Variants in RAPH1 observed in about 807,000 individuals in gnomAD.
The protein encoded by RAPH1 is ras-associated and pleckstrin homology domains-containing protein 1.
A neutral mutation model predicts 88.1 loss-of-function variants in RAPH1; 18 were observed. The observed-to-expected ratio is 0.20, with a 90% CI of 0.14 to 0.30. RAPH1 has a LOEUF of 0.30. RAPH1 is among the 10% of genes least tolerant of loss of function. RAPH1 has a pLI of 1.00. For missense variants in RAPH1, 1,448 were observed against 1,543.2 expected, an observed-to-expected ratio of 0.94 and a Z score of 1.03; for synonymous variants, 587 against 559.0, an observed-to-expected ratio of 1.05 and a Z score of -0.71.
At chr2:203,475,402 G>A (rs540465972) in intron 4 of RAPH1, among the ~76,000 whole-genome samples, 8 of 151,500 alleles carry the variant, frequency 5.3e-5, no homozygotes, top group East Asian at 3.9e-4. Context: ...GCGAGACTCC[G>A]TCTCAAAAAA....
rs376567834 is a variant in RAPH1 at position 203,458,293 on chromosome 2, C to T, written c.1093-698G>A. ...CTGAGGTAGGAGAATCGCTTGGAGG[C>T]GGAGGTTGCAGTGAGCCAAGATCAC... On this transcript the variant is annotated intron_variant, in intron 7 of 13. Transcript: ENST00000319170. 7.2e-5 allele frequency among the ~76,000 whole-genome samples: 11 copies of T among 152,156 alleles called. No homozygotes were observed. In the South Asian group the frequency reaches 1.7e-3, roughly 23 times the overall value.
In RAPH1 at chr2:203,434,549, G is replaced by T. The variant is rs2098496792; in HGVS notation, c.*4888C>A. The stretch of plus-strand genomic sequence containing the variant: ...CAGTTAATGCTTATTTTCTAGAAGG[G>T]GTTATTTTACAAGTAGCAAAAAAAA... On this transcript the variant is annotated 3_prime_UTR_variant, in exon 14 of 14. Transcript: ENST00000319170. 1 of 149,406 alleles carries T rather than the reference G, an allele frequency of 6.7e-6. No homozygotes were observed. Among genetic ancestry groups the T allele is most frequent in the East Asian group, 2.0e-4 (1 of 5,100 alleles). 9.3% of individuals were successfully genotyped at this position (149,406 alleles called of 1,614,324 possible). A position where few individuals can be genotyped will look rare whatever the true frequency, so the allele number is the denominator to read the frequency against.
At chr2:203,523,876 C>T (rs1226649879) in intron 1 of RAPH1, among the ~76,000 whole-genome samples, 2 of 151,992 alleles carry the variant, frequency 1.3e-5, no homozygotes, top group East Asian at 3.9e-4. Context: ...TGGTGGCATG[C>T]GCCTGTAGTC....
intron 4 of RAPH1, chr2:203,470,264 C>T (rs1435328389): frequency 6.2e-7 from 1 of 1,612,510 alleles, no homozygotes; most frequent in Non-Finnish European, 8.5e-7. Flanking sequence ...AGAAGGTTTT[C>T]CTGCAATGTT....
chr2:203,530,535 G>A (rs981098579), intron 1 of RAPH1, among the ~76,000 whole-genome samples: 2 of 152,098 alleles, frequency 1.3e-5, no homozygotes, highest in African/African-American at 4.8e-5. Context: ...AGGAATTTCT[G>A]CCCCATCGCA....
Position 203,444,386 on chromosome 2 carries a change from C to G in RAPH1, c.1776+482G>C, listed in dbSNP as rs991590985. ...GGCGAAGGCTGCAGTGAGCTGAGATCACGCCACTGCACTCCAGCCTGGCGA... is the reference window on the plus strand; with the variant it reads ...GGCGAAGGCTGCAGTGAGCTGAGATGACGCCACTGCACTCCAGCCTGGCGA... On this transcript the variant is annotated intron_variant, in intron 13 of 13. Coordinates refer to ENST00000319170, the MANE Select transcript of RAPH1 (RefSeq NM_213589.3). 9.0e-4 allele frequency: 123 copies of G among 137,272 alleles called. 3 individuals carry two copies. Among genetic ancestry groups the G allele is most frequent in the Admixed American group, 2.4e-4 (3 of 12,604 alleles). The allele number at this position is 137,272 out of a possible 1,614,324, so 8.5% of individuals were successfully genotyped here.
At chr2:203,441,629 C>G (rs1042993435) in intron 13 of RAPH1, 2 of 1,345,310 alleles carry the variant, frequency 1.5e-6, no homozygotes, top group East Asian at 5.9e-5. Flanking sequence ...TTGTTTTACC[C>G]CACAGTAAAA....
At chr2:203,451,447 T>C (rs1274884456) in intron 10 of RAPH1, among the ~76,000 whole-genome samples, 1 of 152,224 alleles carries the variant, frequency 6.6e-6, no homozygotes, top group African/African-American at 2.4e-5. Context: ...TTTTAACTAC[T>C]ATTTCATACT....
chr2:203,470,425 A>G, intron 4 of RAPH1: 1 of 595,970 alleles, frequency 1.7e-6, no homozygotes, highest in South Asian at 2.6e-5. Flanking sequence ...TCTATAATTA[A>G]TCTCATATCT....
At chr2:203,505,336 T>C (rs1053920920) in intron 1 of RAPH1, among the ~76,000 whole-genome samples, 1 of 152,062 alleles carries the variant, frequency 6.6e-6, no homozygotes, top group Non-Finnish European at 1.5e-5. Flanking sequence ...AGAGAAAATG[T>C]GGAAGAAGCA....
At chr2:203,474,162 T>C (rs1241940891) in intron 4 of RAPH1, among the ~76,000 whole-genome samples, 2 of 152,096 alleles carry the variant, frequency 1.3e-5, no homozygotes, top group African/African-American at 2.4e-5. Flanking sequence ...TGTGGCAGGG[T>C]AGAAAGAGGG....
In RAPH1 at chr2:203,522,771, G is replaced by A. The variant is rs183073920; in HGVS notation, c.-1+12340C>T. Among the ~76,000 whole-genome samples the A allele has an allele frequency of 1.6e-3, 248 of 151,590 alleles. 1 individual carries two copies. Among genetic ancestry groups the A allele is most frequent in the South Asian group, 2.3e-3 (11 of 4,772 alleles). On this transcript the variant is annotated intron_variant, in intron 1 of 13. Transcript: ENST00000319170. ...ACAAAAATTAGCCGAGCATGGTGGC[G>A]GGCACCTGTAATCCCAGCTACTCGG... is the stretch of plus-strand genomic sequence containing the variant.
At chr2:203,453,481 G>A (rs1203768907) in intron 10 of RAPH1, among the ~76,000 whole-genome samples, 1 of 143,782 alleles carries the variant, frequency 7.0e-6, no homozygotes, top group Non-Finnish European at 1.5e-5. Flanking sequence ...GAGAAGTCGA[G>A]GCTACAGTGA....
Position 203,434,140 on chromosome 2 carries a change from A to AAAT in RAPH1, c.*5294_*5296dup, listed in dbSNP as rs1445023224. On this transcript the variant is annotated 3_prime_UTR_variant, in exon 14 of 14. Coordinates refer to ENST00000319170, the MANE Select transcript of RAPH1 (RefSeq NM_213589.3). ...AATGAGCATACATTTATGCAGAAGA[A>AAAT]AATAATAGCAACAAAGCTGCGAGAA... The AAAT allele has an allele frequency of 6.6e-6, 1 of 152,408 alleles. No homozygotes were observed. Among genetic ancestry groups the AAAT allele is most frequent in the East Asian group, 1.9e-4 (1 of 5,192 alleles). 9.4% of individuals were successfully genotyped at this position (152,408 alleles called of 1,614,324 possible).
At chr2:203,450,006 G>A (rs1193967387) in intron 10 of RAPH1, among the ~76,000 whole-genome samples, 1 of 144,700 alleles carries the variant, frequency 6.9e-6, no homozygotes, top group Non-Finnish European at 1.5e-5. Flanking sequence ...CTGGGTAACA[G>A]AGCGAGACTT....
At chr2:203,515,530 T>C (rs1689561612) in intron 1 of RAPH1, among the ~76,000 whole-genome samples, 1 of 152,220 alleles carries the variant, frequency 6.6e-6, no homozygotes, top group African/African-American at 2.4e-5. Flanking sequence ...TTTTATTGTA[T>C]CACTGTTTGG....
At chr2:203,447,775 G>C in intron 12 of RAPH1, 184 bp downstream of exon 12, 1 of 452,684 alleles carries the variant, frequency 2.2e-6, no homozygotes, top group Non-Finnish European at 3.8e-6. Context: ...AAATACATTT[G>C]TGAACTAGCC....
At chr2:203,517,134 G>C (rs963558881) in intron 1 of RAPH1, among the ~76,000 whole-genome samples, 1 of 151,608 alleles carries the variant, frequency 6.6e-6, no homozygotes, top group African/African-American at 2.4e-5. Flanking sequence ...CTTTAATATA[G>C]ACACAAATAG....
intron 4 of RAPH1, among the ~76,000 whole-genome samples, chr2:203,478,932 C>T (rs180810522): frequency 7.3e-4 from 111 of 152,308 alleles, no homozygotes; most frequent in Middle Eastern, 3.4e-3. Flanking sequence ...TTTTGTTTTT[C>T]CCTGTGTATT....
Sources: gnomAD v4.1 joint callset for allele counts (sites outside exome capture counted in the v4.1 genomes callset) on GRCh38, gnomAD v4.1.1 for gene constraint, MANE v1.5 for transcripts, NCBI Gene and HGNC (gene_info 2026-07-23, HGNC 2026-07-21) for gene names.